PCDH15: variants seen among roughly 807,000 people sequenced by gnomAD.
PCDH15 encodes the protein protocadherin related 15.
Under a neutral mutation model 178.5 loss-of-function variants are expected in PCDH15, and 129 were observed. The observed-to-expected ratio is 0.72, with a 90% CI of 0.63 to 0.84. The LOEUF (loss-of-function observed/expected upper bound fraction) is 0.84, where lower values mean the gene tolerates loss of function less well. Ranked by LOEUF, PCDH15 falls within the 40% of genes least tolerant of loss-of-function variation. The pLI is 0.00. For missense variants in PCDH15, 2,230 were observed against 2,099.9 expected, an observed-to-expected ratio of 1.06 and a Z score of -1.21; for synonymous variants, 800 against 732.0, an observed-to-expected ratio of 1.09 and a Z score of -1.50.
chr10:54,681,073 A>G (rs921352277), intron 1 of PCDH15, among the ~76,000 whole-genome samples: 7 of 152,100 alleles, frequency 4.6e-5, no homozygotes, highest in Admixed American at 3.3e-4. Flanking sequence ...TGGATGAGAA[A>G]CAGCAAATAG....
At chr10:55,217,273 G>C (rs1016627465) in intron 1 of PCDH15, among the ~76,000 whole-genome samples, 6 of 151,806 alleles carry the variant, frequency 4.0e-5, no homozygotes, top group Non-Finnish European at 8.8e-5. Flanking sequence ...CATATCAATA[G>C]ATAGGGAAAA....
intron 1 of PCDH15, among the ~76,000 whole-genome samples, chr10:55,237,271 A>G (rs1841407419): frequency 1.3e-5 from 2 of 152,142 alleles, no homozygotes; most frequent in South Asian, 4.1e-4. Flanking sequence ...TCTGTGTTGA[A>G]GAAAAAACAG....
intron 1 of PCDH15, among the ~76,000 whole-genome samples, chr10:55,233,830 CTTTG>C (rs1841298301): frequency 6.6e-6 from 1 of 152,036 alleles, no homozygotes; most frequent in Admixed American, 6.6e-5. Flanking sequence ...TACTATAGTG[CTTTG>C]TTTCTCAACC....
At chr10:54,747,193 C>G (rs974203657) in intron 1 of PCDH15, among the ~76,000 whole-genome samples, 1 of 152,164 alleles carries the variant, frequency 6.6e-6, no homozygotes, top group Non-Finnish European at 1.5e-5. Flanking sequence ...TTAGGTACTA[C>G]ACACCATGCT....
chr10:54,273,752 C>G lies in PCDH15; in HGVS notation c.877-36821G>C, dbSNP rs1215736841. Among the ~76,000 whole-genome samples the G allele has an allele frequency of 1.8e-4, 28 of 151,984 alleles. 1 individual carries two copies. Among genetic ancestry groups the G allele is most frequent in the Middle Eastern group, 3.2e-3 (1 of 316 alleles). ...GGGTGAACATAAACCACACTTTAAGCAAGAACTCTCAGTTATAACTGCTTG... is the reference window on the plus strand; with the variant it reads ...GGGTGAACATAAACCACACTTTAAGGAAGAACTCTCAGTTATAACTGCTTG... On this transcript the variant is annotated intron_variant, in intron 8 of 37. Transcript: ENST00000644397.
chr10:54,095,417 A>T (rs2094683743), intron 15 of PCDH15, among the ~76,000 whole-genome samples: 1 of 151,910 alleles, frequency 6.6e-6, no homozygotes, highest in Admixed American at 6.6e-5. Context: ...AAATATTCCA[A>T]ACAATATAAA....
At chr10:53,984,339 A>G (rs1317730274) in intron 21 of PCDH15, among the ~76,000 whole-genome samples, 1 of 151,610 alleles carries the variant, frequency 6.6e-6, no homozygotes, top group Admixed American at 6.6e-5. Flanking sequence ...TTTAGTAGAG[A>G]CGGAGTTTTA....
Position 54,079,421 on chromosome 10 carries a change from C to G in PCDH15, c.2001G>C (p.Thr667=), listed in dbSNP as rs200699443. 6.2e-6 allele frequency: 10 copies of G among 1,613,506 alleles called. No homozygotes were observed. The Admixed American group carries it at 1.7e-4, about 27-fold the overall frequency. ...PQRVFNLSET[T]GILTLGKALD... is the part of the protein sequence containing the mutation. ...GTGCTTTCCCTAAGGTTAGAATCCCCGTGCTAGTGACAAAACAAACAAACA... is the reference window on the plus strand; with the variant it reads ...GTGCTTTCCCTAAGGTTAGAATCCCGGTGCTAGTGACAAAACAAACAAACA... The change falls in exon 17 of 38, where the codon ACG becomes ACC. Residue 667 remains threonine, a synonymous_variant. Coordinates refer to ENST00000644397, the MANE Select transcript of PCDH15 (RefSeq NM_001384140.1).
intron 3 of PCDH15, among the ~76,000 whole-genome samples, chr10:54,886,300 T>C (rs1388165113): frequency 1.3e-5 from 2 of 152,196 alleles, no homozygotes; most frequent in Non-Finnish European, 2.9e-5. Flanking sequence ...GAAACACTTC[T>C]TAAATTGACT....
chr10:54,920,635 A>C (rs1837463298), intron 2 of PCDH15, among the ~76,000 whole-genome samples: 1 of 152,102 alleles, frequency 6.6e-6, no homozygotes, highest in African/African-American at 2.4e-5. Context: ...CAACCATAGA[A>C]ACCAATTTAT....
At chr10:55,341,574 CT>C (rs60297759) in intron 2 of PCDH15, among the ~76,000 whole-genome samples, 27,329 of 136,930 alleles carry the variant, frequency 0.2, 2,981 homozygotes, top group African/African-American at 0.27. Flanking sequence ...GATTAGCATC[CT>C]TTTTTTTTTT....
intron 16 of PCDH15, among the ~76,000 whole-genome samples, chr10:54,082,904 C>T (rs35647814): frequency 0.34 from 51,139 of 151,668 alleles, 9,214 homozygotes; most frequent in Middle Eastern, 0.46. Context: ...CATAACTTAA[C>T]ATCAAAAAGA....
At chr10:54,520,825 C>A (rs1351056396) in intron 3 of PCDH15, among the ~76,000 whole-genome samples, 3 of 150,554 alleles carry the variant, frequency 2.0e-5, no homozygotes, top group Non-Finnish European at 4.4e-5. Flanking sequence ...AAATGTCCAA[C>A]AATGATAGAC....
At chr10:55,199,285 G>C (rs976993589) in intron 1 of PCDH15, among the ~76,000 whole-genome samples, 1 of 152,116 alleles carries the variant, frequency 6.6e-6, no homozygotes, top group Non-Finnish European at 1.5e-5. Context: ...GATCACTCTT[G>C]CTATGCTTTA....
chr10:54,920,650 C>T (rs1212886169), intron 2 of PCDH15, among the ~76,000 whole-genome samples: 1 of 151,974 alleles, frequency 6.6e-6, no homozygotes, highest in Non-Finnish European at 1.5e-5. Flanking sequence ...ATTTATTGAA[C>T]CCGCAGAATA....
At chr10:54,805,376 A>G (rs1445013261), upstream of PCDH15, among the ~76,000 whole-genome samples, 3 of 152,144 alleles carry the variant, frequency 2.0e-5, no homozygotes, top group Admixed American at 2.0e-4. Flanking sequence ...GAGTCATTCT[A>G]GACGACTTAT....
chr10:54,568,724 A>C (rs1225413310), intron 2 of PCDH15: 1 of 152,152 alleles, frequency 6.6e-6, no homozygotes, highest in African/African-American at 2.4e-5. Flanking sequence ...AACTTCATAT[A>C]AATGAAATAA....
At chr10:54,954,360 T>C (rs1009967029) in intron 2 of PCDH15, among the ~76,000 whole-genome samples, 4 of 151,256 alleles carry the variant, frequency 2.6e-5, no homozygotes, top group Admixed American at 6.6e-5. Context: ...AATTCTAATA[T>C]CTTCCTACAG....
chr10:54,720,378 A>T (rs1412376682), intron 1 of PCDH15, among the ~76,000 whole-genome samples: 3 of 152,066 alleles, frequency 2.0e-5, no homozygotes, highest in African/African-American at 7.2e-5. Context: ...TTCAAAGTCA[A>T]AGTGGAAAAA....
Sources: allele counts gnomAD v4.1 joint callset (sites outside exome capture counted in the v4.1 genomes callset), GRCh38; gene constraint gnomAD v4.1.1; transcripts MANE v1.5; gene names NCBI Gene and HGNC (gene_info 2026-07-23, HGNC 2026-07-21).